DLGAP2: variants seen among roughly 807,000 people sequenced by gnomAD.
DLGAP2 encodes DLG associated protein 2, also known as disks large-associated protein 2.
Under a neutral mutation model 100.3 loss-of-function variants are expected in DLGAP2, and 26 were observed. The observed-to-expected ratio is 0.26, with a 90% confidence interval of 0.19 to 0.36. The LOEUF (loss-of-function observed/expected upper bound fraction) is 0.36. Ranked by LOEUF, DLGAP2 falls within the 10% of genes least tolerant of loss-of-function variation. The pLI is 1.00. For synonymous variants in DLGAP2, 886 were observed against 630.1 expected (o/e 1.41, Z -6.08); for missense variants, 1,858 against 1,453.2 (o/e 1.28, Z -4.53).
In DLGAP2 at chr8:1,097,751, G is replaced by A. The variant is rs543087927; in HGVS notation, c.74-161100G>A. 5.2e-5 allele frequency among the ~76,000 whole-genome samples: 7 copies of A among 135,844 alleles called. 1 individual carries two copies. The East Asian group carries it at 1.7e-3, about 32-fold the overall frequency. The allele number at this position is 135,844 out of a possible 152,430, so 89.1% of individuals were successfully genotyped here. On this transcript the variant is annotated intron_variant, in intron 2 of 14. Coordinates refer to ENST00000637795, the MANE Select transcript of DLGAP2 (RefSeq NM_001346810.2). ...AGGAGAGTCGAGCTGGGAGCCTAGG[G>A]CAGGCCTTCACCCTTTGTGGCATGG...
chr8:1,083,535 A>G (rs1306500761), intron 2 of DLGAP2, among the ~76,000 whole-genome samples: 1 of 152,226 alleles, frequency 6.6e-6, no homozygotes, highest in African/African-American at 2.4e-5. Flanking sequence ...TTCATTCCAC[A>G]CAGTATACAT....
intron 2 of DLGAP2, among the ~76,000 whole-genome samples, chr8:954,254 C>T (rs991345373): frequency 6.6e-6 from 1 of 152,138 alleles, no homozygotes; most frequent in African/African-American, 2.4e-5. Flanking sequence ...GTGCGCAATA[C>T]AGTATTATTA....
At chr8:1,547,384 T>G (rs1450564453) in intron 4 of DLGAP2, among the ~76,000 whole-genome samples, 1 of 150,842 alleles carries the variant, frequency 6.6e-6, no homozygotes, top group Non-Finnish European at 1.5e-5. Context: ...TTTGAGGGGG[T>G]CAGCCCCACA....
intron 1 of DLGAP2, among the ~76,000 whole-genome samples, chr8:819,941 G>A (rs551051739): frequency 6.6e-6 from 1 of 152,154 alleles, no homozygotes; most frequent in South Asian, 2.1e-4. Flanking sequence ...TGGATTACGT[G>A]GTAATGAAGT....
At chr8:1,041,963 G>A (rs561145756) in intron 2 of DLGAP2, among the ~76,000 whole-genome samples, 205 of 152,318 alleles carry the variant, frequency 1.3e-3, no homozygotes, top group Non-Finnish European at 2.0e-3. Flanking sequence ...GCTGTTTCAG[G>A]AGCCTGCGGG....
At chr8:1,168,230 C>G (rs1012826072) in intron 2 of DLGAP2, among the ~76,000 whole-genome samples, 8 of 151,922 alleles carry the variant, frequency 5.3e-5, no homozygotes, top group African/African-American at 1.7e-4. Context: ...TTTATGGTTG[C>G]ATAGTATTCC....
chr8:1,363,249 C>T (rs1021076033), intron 3 of DLGAP2, among the ~76,000 whole-genome samples: 1 of 152,204 alleles, frequency 6.6e-6, no homozygotes, highest in African/African-American at 2.4e-5. Context: ...CAGGCAGCAT[C>T]CCGAAAGCGC....
intron 3 of DLGAP2, among the ~76,000 whole-genome samples, chr8:1,374,484 A>T (rs1015279448): frequency 3.3e-5 from 5 of 152,342 alleles, no homozygotes; most frequent in Non-Finnish European, 5.9e-5. Context: ...TTCTGAAAGC[A>T]GCAGGAGTTC....
chr8:1,258,812 C>G (rs568210021), intron 2 of DLGAP2, 39 bp from the exon 3 acceptor site: 1 of 1,231,124 alleles, frequency 8.1e-7, no homozygotes, highest in African/African-American at 1.6e-5. Flanking sequence ...TGGTTGAGAC[C>G]CTGTGGGTGT....
chr8:1,492,851 G>A (rs1374949032), intron 3 of DLGAP2, among the ~76,000 whole-genome samples: 4 of 152,132 alleles, frequency 2.6e-5, no homozygotes, highest in Admixed American at 1.3e-4. Flanking sequence ...ACAGTAGGCC[G>A]GAGAAAAACA....
chr8:1,279,936 G>T (rs889547917), intron 3 of DLGAP2, among the ~76,000 whole-genome samples: 1 of 152,198 alleles, frequency 6.6e-6, no homozygotes, highest in Non-Finnish European at 1.5e-5. Flanking sequence ...TGAGAACCAG[G>T]AGGCGCAGAG....
chr8:1,157,869 G>C (rs1796820772), intron 2 of DLGAP2, among the ~76,000 whole-genome samples: 1 of 152,216 alleles, frequency 6.6e-6, no homozygotes, highest in Admixed American at 6.5e-5. Context: ...CGCTATCTCA[G>C]ATGCTGCCGG....
chr8:962,682 A>G (rs1225426146), intron 2 of DLGAP2, among the ~76,000 whole-genome samples: 5 of 152,066 alleles, frequency 3.3e-5, no homozygotes, highest in Admixed American at 3.3e-4. Context: ...CAACAACGAC[A>G]TCAGATGGAG....
At chr8:1,442,246 C>T (rs1013636123) in intron 3 of DLGAP2, among the ~76,000 whole-genome samples, 2 of 104,408 alleles carry the variant, frequency 1.9e-5, no homozygotes, top group African/African-American at 2.9e-5. Context: ...GGCATAGACC[C>T]GCCAGGCTGC....
intron 2 of DLGAP2, among the ~76,000 whole-genome samples, chr8:1,123,128 C>G (rs62486827): frequency 0.024 from 3,700 of 152,284 alleles, 56 homozygotes; most frequent in Middle Eastern, 0.044. Flanking sequence ...GAATAAGTTT[C>G]GCTCAGAAGC....
At chr8:766,055 T>C (rs1411499891) in intron 1 of DLGAP2, among the ~76,000 whole-genome samples, 1 of 152,136 alleles carries the variant, frequency 6.6e-6, no homozygotes, top group East Asian at 1.9e-4. Context: ...TAATCTCAGC[T>C]ACTTGGGAGG....
At chr8:951,312 C>T (rs563664012) in intron 2 of DLGAP2, among the ~76,000 whole-genome samples, 1 of 151,734 alleles carries the variant, frequency 6.6e-6, no homozygotes, top group East Asian at 2.0e-4. Flanking sequence ...GTGGTGTGAT[C>T]TCGGCTCACT....
intron 3 of DLGAP2, among the ~76,000 whole-genome samples, chr8:1,304,928 A>G (rs577480328): frequency 1.3e-5 from 2 of 152,364 alleles, no homozygotes; most frequent in Non-Finnish European, 1.5e-5. Flanking sequence ...CATATCGTGC[A>G]TAAGGTAATC....
At chr8:947,062 C>A (rs1003543418) in intron 2 of DLGAP2, among the ~76,000 whole-genome samples, 1 of 152,212 alleles carries the variant, frequency 6.6e-6, no homozygotes, top group African/African-American at 2.4e-5. Flanking sequence ...AGGCGCCTCC[C>A]AAGAGAGACT....
Sources: gnomAD v4.1 joint callset for allele counts (sites outside exome capture counted in the v4.1 genomes callset) on GRCh38, gnomAD v4.1.1 for gene constraint, MANE v1.5 for transcripts, NCBI Gene and HGNC (gene_info 2026-07-23, HGNC 2026-07-21) for gene names.